CRB1: variants seen among roughly 807,000 people sequenced by gnomAD.
The protein encoded by CRB1 is crumbs cell polarity complex component 1.
Under a neutral mutation model 120.0 loss-of-function variants are expected in CRB1, and 83 were observed. That is an observed-to-expected ratio of 0.69 (90% confidence interval 0.58 to 0.83). CRB1 has a LOEUF of 0.83. Among genes scored for constraint, CRB1 ranks in the 40% least tolerant of loss-of-function variants. CRB1 has a pLI of 0.00. For synonymous variants in CRB1, 625 were observed against 612.5 expected (o/e 1.02, Z -0.30); for missense variants, 1,699 against 1,687.6 (o/e 1.01, Z -0.12).
At chr1:197,239,982 C>T in the CRB1 span, among the ~76,000 whole-genome samples, 1 of 151,214 alleles carries the variant, frequency 6.6e-6, no homozygotes, top group African/African-American at 2.4e-5. Flanking sequence ...ATAAACCTTA[C>T]CTTCCTTTAT....
Position 197,435,427 on chromosome 1 carries a change from T to A in CRB1, c.3564T>A (p.His1188Gln), listed in dbSNP as rs376271122. Reference protein sequence around the residue: ...IDECFSNPCIHGNCSDRVAAY... With the variant: ...IDECFSNPCIQGNCSDRVAAY... The stretch of plus-strand genomic sequence containing the variant: ...AATGCTTTTCAAACCCCTGTATCCA[T>A]GGCAACTGCTCTGACAGAGTTGCAG... The change falls in exon 9 of 12, where the codon CAT (histidine) becomes CAA (glutamine). Residue 1188 changes from histidine (H) to glutamine (Q), a missense_variant. His to Gln is a conservative substitution (Grantham distance 24, BLOSUM62 0). Coordinates refer to ENST00000367400, the MANE Select transcript of CRB1 (RefSeq NM_201253.3). 1 of 1,598,222 alleles carries A rather than the reference T, an allele frequency of 6.3e-7. No homozygotes were observed. The highest frequency in any genetic ancestry group is 8.5e-7 in the Non-Finnish European group (1 of 1,171,724).
chr1:197,459,287 A>G (rs1666420361), intron 11 of CRB1, among the ~76,000 whole-genome samples: 2 of 152,136 alleles, frequency 1.3e-5, no homozygotes, highest in African/African-American at 4.8e-5. Flanking sequence ...TGTTTCCTAC[A>G]GGTTTTGATT....
intron 2 of CRB1, among the ~76,000 whole-genome samples, chr1:197,337,799 A>C (rs1441354510): frequency 6.6e-6 from 1 of 152,152 alleles, no homozygotes; most frequent in African/African-American, 2.4e-5. Context: ...TGCCACACTT[A>C]TAAATTTAAA....
At chr1:197,240,377 C>A in the CRB1 span, among the ~76,000 whole-genome samples, 1 of 152,126 alleles carries the variant, frequency 6.6e-6, no homozygotes, top group Admixed American at 6.5e-5. Flanking sequence ...ATGCCCCCAC[C>A]CTTTGACAGG....
At chr1:197,214,202 G>T in the CRB1 span, among the ~76,000 whole-genome samples, 1 of 152,032 alleles carries the variant, frequency 6.6e-6, no homozygotes, top group Non-Finnish European at 1.5e-5. Context: ...AATGAAACGG[G>T]AAACATTACA....
chr1:197,291,905 C>T (rs1207057809), intron 1 of CRB1, among the ~76,000 whole-genome samples: 2 of 151,982 alleles, frequency 1.3e-5, no homozygotes, highest in Non-Finnish European at 2.9e-5. Context: ...ATCTCTGGGA[C>T]ACATTTAAAG....
chr1:197,453,553 G>C (rs1156618720), intron 11 of CRB1, among the ~76,000 whole-genome samples: 2 of 128,018 alleles, frequency 1.6e-5, no homozygotes, highest in African/African-American at 5.4e-5. Context: ...GAGAGAGACA[G>C]AGAGAGAGAG....
the CRB1 span, among the ~76,000 whole-genome samples, chr1:197,252,157 A>T: frequency 6.6e-6 from 1 of 151,922 alleles, no homozygotes; most frequent in African/African-American, 2.4e-5. Flanking sequence ...TGTAGTATGA[A>T]TGCAATCATA....
chr1:197,344,514 T>C lies in CRB1; in HGVS notation c.848+38T>C, dbSNP rs752171198. On this transcript the variant is annotated intron_variant, in intron 3 of 11. Coordinates refer to ENST00000367400, the MANE Select transcript of CRB1 (RefSeq NM_201253.3). ...TGGCGTTGGGTGATTGGCTTAGAAC[T>C]CCCTGACCATGAACTATTTTACCAC... is the stretch of plus-strand genomic sequence containing the variant. 2.5e-6 allele frequency: 4 copies of C among 1,576,308 alleles called. No homozygotes were observed. In the Admixed American group the frequency reaches 6.7e-5, roughly 26 times the overall value.
At chr1:197,320,488 C>T (rs1658125912) in intron 1 of CRB1, among the ~76,000 whole-genome samples, 1 of 152,072 alleles carries the variant, frequency 6.6e-6, no homozygotes, top group African/African-American at 2.4e-5. Context: ...AAAGCAAAGG[C>T]CTCCATTTCA....
the CRB1 span, among the ~76,000 whole-genome samples, chr1:197,214,612 A>G: frequency 1.3e-5 from 2 of 152,338 alleles, no homozygotes; most frequent in Non-Finnish European, 2.9e-5. Flanking sequence ...CATACAACCA[A>G]TCAAAACTGA....
chr1:197,329,906 C>T lies in CRB1; in HGVS notation c.652+903C>T, dbSNP rs941639920. ...TACCATGTTCTCCCTTAGCACTTGC[C>T]GTTTTTGTACCTTCCTGAAAGCCTT... is the stretch of plus-strand genomic sequence containing the variant. On this transcript the variant is annotated intron_variant, in intron 2 of 11. Coordinates refer to ENST00000367400, the MANE Select transcript of CRB1 (RefSeq NM_201253.3). 7.2e-5 allele frequency among the ~76,000 whole-genome samples: 11 copies of T among 152,260 alleles called. 1 individual carries two copies. The highest frequency in any genetic ancestry group is 4.1e-4 in the South Asian group (2 of 4,820).
At chr1:197,349,129 T>C (rs1404273995) in intron 4 of CRB1, among the ~76,000 whole-genome samples, 2 of 152,218 alleles carry the variant, frequency 1.3e-5, no homozygotes, top group African/African-American at 4.8e-5. Context: ...ACCTTTTGTA[T>C]GTTTAAGTAT....
At chr1:197,329,088 A>G in intron 2 of CRB1, 85 bp downstream of exon 2, 4 of 1,196,092 alleles carry the variant, frequency 3.3e-6, no homozygotes, top group Non-Finnish European at 4.8e-6. Context: ...TATTTTTCAC[A>G]CAATCATTTA....
At chr1:197,370,561 A>G (rs917304233) in intron 5 of CRB1, among the ~76,000 whole-genome samples, 3 of 152,178 alleles carry the variant, frequency 2.0e-5, no homozygotes, top group Non-Finnish European at 4.4e-5. Flanking sequence ...CTGCTCCTGA[A>G]TGATCATTGG....
At position 197,432,153 on chromosome 1, in the gene CRB1, G is replaced by A. The variant is rs1410023205; in HGVS notation, c.2842+2539G>A. ...AAGTACAAAAGTGATTAGGTATATC[G>A]TGGTTTTTACCCAGATCAGAAGACA... On this transcript the variant is annotated intron_variant, in intron 8 of 11. Coordinates refer to ENST00000367400, the MANE Select transcript of CRB1 (RefSeq NM_201253.3). Among the ~76,000 whole-genome samples the A allele has an allele frequency of 3.3e-5, 5 of 152,030 alleles. No individual in the cohort carries two copies. In the South Asian group the frequency reaches 6.2e-4, roughly 19 times the overall value.
the CRB1 span, among the ~76,000 whole-genome samples, chr1:197,238,844 C>CAA: frequency 1.3e-4 from 19 of 143,336 alleles, no homozygotes; most frequent in South Asian, 1.8e-3. Context: ...AACTCTGTCT[C>CAA]AAAAAAAAAA....
the CRB1 span, among the ~76,000 whole-genome samples, chr1:197,252,629 GTT>G: frequency 6.9e-5 from 8 of 116,194 alleles, 1 homozygote; most frequent in South Asian, 1.4e-3. Context: ...ATATATGTGT[GTT>G]TATATTACAC....
chr1:197,222,691 A>G, the CRB1 span: 2 of 800,106 alleles, frequency 2.5e-6, no homozygotes, highest in Admixed American at 3.4e-5. Flanking sequence ...TTGTTTCAGG[A>G]AAACTCCATT....
Sources: gnomAD v4.1 joint callset for allele counts (sites outside exome capture counted in the v4.1 genomes callset) on GRCh38, gnomAD v4.1.1 for gene constraint, MANE v1.5 for transcripts, NCBI Gene and HGNC (gene_info 2026-07-23, HGNC 2026-07-21) for gene names.